The following BRAF variants were observed in gnomAD, a reference collection of about 807,000 sequenced individuals.
BRAF encodes B-Raf proto-oncogene, serine/threonine kinase.
Under a neutral mutation model 104.6 loss-of-function variants are expected in BRAF, and 16 were observed. That is an observed-to-expected ratio of 0.15 (90% CI 0.10 to 0.23). The LOEUF is 0.23. Among genes scored for constraint, BRAF ranks in the 10% least tolerant of loss-of-function variants. The pLI is 1.00. For missense variants in BRAF, 541 were observed against 937.3 expected, an observed-to-expected ratio of 0.58 and a Z score of 5.52; for synonymous variants, 310 against 341.6, an observed-to-expected ratio of 0.91 and a Z score of 1.02.
intron 3 of BRAF, among the ~76,000 whole-genome samples, chr7:140,817,884 A>C (rs1241759550): frequency 6.6e-6 from 1 of 152,250 alleles, no homozygotes; most frequent in Non-Finnish European, 1.5e-5. Context: ...TGGTATATTA[A>C]GAAGCTAGAA....
chr7:140,911,717 A>C (rs900519363), intron 1 of BRAF, among the ~76,000 whole-genome samples: 7 of 152,228 alleles, frequency 4.6e-5, no homozygotes, highest in Non-Finnish European at 1.5e-5. Context: ...TCTACATAGA[A>C]AAACCAGTAA....
chr7:140,834,789 A>T lies in BRAF; in HGVS notation c.324T>A (p.Asp108Glu). ...TTGATGCAGAGCTAGAAACAGAAAA[A>T]TCAGTTCCGTTCCCCAGAGATTCCA... ...QLLESLGNGT[D>E]FSVSSSASMD... Residue 108 changes from aspartate (D) to glutamate (E), a missense_variant, in exon 3 of 20, where the codon GAT becomes GAA. Asp to Glu is a conservative substitution (Grantham distance 45). Coordinates refer to ENST00000644969, the MANE Select transcript of BRAF (RefSeq NM_001374258.1). 1 of 1,614,190 alleles carries T rather than the reference A, an allele frequency of 6.2e-7. No homozygotes were observed. The highest frequency in any genetic ancestry group is 8.5e-7 in the Non-Finnish European group (1 of 1,180,008).
chr7:140,760,634 AAAT>A (rs1233247490), intron 14 of BRAF, among the ~76,000 whole-genome samples: 5 of 151,974 alleles, frequency 3.3e-5, no homozygotes, highest in African/African-American at 1.2e-4. Context: ...TTTTTAATGA[AAAT>A]AATAAAAAAT....
At chr7:140,788,676 C>A (rs1266834421) in intron 8 of BRAF, among the ~76,000 whole-genome samples, 1 of 151,994 alleles carries the variant, frequency 6.6e-6, no homozygotes, top group East Asian at 1.9e-4. Flanking sequence ...GCAACCTCTG[C>A]CTCTTGGGTT....
chr7:140,833,219 T>C (rs1806975646), intron 3 of BRAF, among the ~76,000 whole-genome samples: 1 of 152,016 alleles, frequency 6.6e-6, no homozygotes, highest in Non-Finnish European at 1.5e-5. Flanking sequence ...GGTTGAGAAA[T>C]TTGAAAGGCT....
At chr7:140,783,433 A>T in intron 10 of BRAF, 1 of 328,654 alleles carries the variant, frequency 3.0e-6, no homozygotes, top group East Asian at 4.6e-5. Flanking sequence ...GGAGAAAAAC[A>T]ATCTCTCTAA....
chr7:140,920,500 G>C (rs766379312), intron 1 of BRAF, among the ~76,000 whole-genome samples: 1 of 152,136 alleles, frequency 6.6e-6, no homozygotes, highest in Non-Finnish European at 1.5e-5. Flanking sequence ...AATCAAGAAA[G>C]CAAGGGATAG....
intron 1 of BRAF, among the ~76,000 whole-genome samples, chr7:140,871,071 C>CAAAAAAAAAATACA (rs201936066): frequency 2.0e-5 from 3 of 147,268 alleles, no homozygotes; most frequent in African/African-American, 7.5e-5. Flanking sequence ...ACTAAAAATA[C>CAAAAAAAAAATACA]AAAAAAAAAT....
intron 1 of BRAF, among the ~76,000 whole-genome samples, chr7:140,909,338 T>A (rs1037862642): frequency 6.6e-6 from 1 of 152,160 alleles, no homozygotes; most frequent in Non-Finnish European, 1.5e-5. Flanking sequence ...GGCAGGAGAA[T>A]CGCTTGAACC....
At chr7:140,743,552 A>G (rs1395720923) in intron 17 of BRAF, among the ~76,000 whole-genome samples, 1 of 152,108 alleles carries the variant, frequency 6.6e-6, no homozygotes, top group Non-Finnish European at 1.5e-5. Context: ...GAAGGGGAAC[A>G]TCACACTCTG....
At chr7:140,810,117 T>C (rs578250310) in intron 3 of BRAF, among the ~76,000 whole-genome samples, 16 of 152,078 alleles carry the variant, frequency 1.1e-4, no homozygotes, top group Admixed American at 8.5e-4. Context: ...TCCAAAGAAA[T>C]TGGGAATATT....
chr7:140,876,566 T>C (rs1199734903), intron 1 of BRAF, among the ~76,000 whole-genome samples: 1 of 152,218 alleles, frequency 6.6e-6, no homozygotes, highest in Non-Finnish European at 1.5e-5. Flanking sequence ...ATATGTAGTC[T>C]ACGAGTAATT....
At chr7:140,736,775 G>A (rs1230605432) in intron 18 of BRAF, among the ~76,000 whole-genome samples, 1 of 151,136 alleles carries the variant, frequency 6.6e-6, no homozygotes, top group Non-Finnish European at 1.5e-5. Flanking sequence ...TGGGGCTCAC[G>A]CCTGTAATCC....
At chr7:140,799,551 T>C (rs531627719) in intron 7 of BRAF, 1 of 232,352 alleles carries the variant, frequency 4.3e-6, no homozygotes, top group East Asian at 6.1e-5. Flanking sequence ...ATTCCCTTTA[T>C]ATCTGTTTAT....
intron 8 of BRAF, among the ~76,000 whole-genome samples, chr7:140,791,059 C>T (rs1801907123): frequency 6.6e-6 from 1 of 152,156 alleles, no homozygotes; most frequent in Non-Finnish European, 1.5e-5. Context: ...AGCGATCACA[C>T]CACTGCACTC....
At chr7:140,777,167 T>G in intron 13 of BRAF, 79 bp from the exon 13 acceptor site, 1 of 1,476,042 alleles carries the variant, frequency 6.8e-7, no homozygotes, top group Non-Finnish European at 9.4e-7. Flanking sequence ...CAAAGTAGTC[T>G]GTCGGTAAAA....
rs147383851 is a variant in BRAF, at chr7:140,869,573, C to T, written c.139-19361G>A. On this transcript the variant is annotated intron_variant, in intron 1 of 19. Transcript: ENST00000644969. Reference sequence around the variant, plus strand: ...ACTTGAACCTGGGAGACAGAGGTTGCGGTGAGCCGAAATCACGCCACTGCA... The same window carrying T: ...ACTTGAACCTGGGAGACAGAGGTTGTGGTGAGCCGAAATCACGCCACTGCA... 1.6e-3 allele frequency among the ~76,000 whole-genome samples: 245 copies of T among 151,032 alleles called. 1 individual carries two copies. Among genetic ancestry groups the T allele is most frequent in the Non-Finnish European group, 2.4e-3 (162 of 67,864 alleles).
At chr7:140,851,164 G>A (rs1050846233) in intron 1 of BRAF, among the ~76,000 whole-genome samples, 1 of 152,056 alleles carries the variant, frequency 6.6e-6, no homozygotes, top group Non-Finnish European at 1.5e-5. Context: ...GCATATATTA[G>A]TATATCTGTT....
intron 7 of BRAF, chr7:140,800,074 C>T: frequency 2.3e-6 from 1 of 443,690 alleles, no homozygotes; most frequent in Non-Finnish European, 4.2e-6. Context: ...TCTAATTAAC[C>T]AGGAGATCCA....
Sources: gnomAD v4.1 joint callset for allele counts (sites outside exome capture counted in the v4.1 genomes callset) on GRCh38, gnomAD v4.1.1 for gene constraint, MANE v1.5 for transcripts, NCBI Gene and HGNC (gene_info 2026-07-23, HGNC 2026-07-21) for gene names.